The following KCNIP4 variants were observed in gnomAD, a reference collection of about 807,000 sequenced individuals.
The protein encoded by KCNIP4 is potassium voltage-gated channel interacting protein 4.
Under a neutral mutation model 34.0 loss-of-function variants are expected in KCNIP4, and 12 were observed. The observed-to-expected ratio is 0.35, with a 90% CI of 0.23 to 0.57. KCNIP4 has a LOEUF of 0.57. KCNIP4 is among the 20% of genes least tolerant of loss of function. The pLI is 0.83. For synonymous variants in KCNIP4, 124 were observed against 102.2 expected (o/e 1.21, Z -1.29); for missense variants, 238 against 311.7 (o/e 0.76, Z 1.78).
chr4:20,735,041 CAT>C (rs1377614655), intron 5 of KCNIP4, among the ~76,000 whole-genome samples: 1 of 152,136 alleles, frequency 6.6e-6, no homozygotes, highest in African/African-American at 2.4e-5. Flanking sequence ...TGCAAGTGCA[CAT>C]GATTTACTAA....
At chr4:20,855,428 C>T (rs2149488778) in intron 2 of KCNIP4, among the ~76,000 whole-genome samples, 1 of 152,264 alleles carries the variant, frequency 6.6e-6, no homozygotes, top group Non-Finnish European at 1.5e-5. Flanking sequence ...CTCCTCTCAT[C>T]CCAGAGCCAC....
chr4:20,918,844 T>G (rs1729105407), intron 1 of KCNIP4, among the ~76,000 whole-genome samples: 1 of 151,976 alleles, frequency 6.6e-6, no homozygotes, highest in Non-Finnish European at 1.5e-5. Context: ...GTCTAGAGAG[T>G]TAGGAAAACC....
At chr4:21,069,146 G>T (rs1744671313) in intron 1 of KCNIP4, among the ~76,000 whole-genome samples, 1 of 152,048 alleles carries the variant, frequency 6.6e-6, no homozygotes, top group African/African-American at 2.4e-5. Context: ...GCAATAAATA[G>T]TAGTACAACC....
At chr4:20,811,347 G>T (rs1715726201) in intron 3 of KCNIP4, among the ~76,000 whole-genome samples, 1 of 152,186 alleles carries the variant, frequency 6.6e-6, no homozygotes, top group African/African-American at 2.4e-5. Flanking sequence ...CACCTTAGAT[G>T]CATGTTGAAA....
In KCNIP4 at chr4:20,758,917, T is replaced by C. The variant is rs75535060; in HGVS notation, c.289-27A>G. ...TAGGGAAAGTGGCAGAGAAGCAATA[T>C]GAGCAAAGTGTTCATAAAACTGAAT... On this transcript the variant is annotated intron_variant, in intron 3 of 8. Coordinates refer to ENST00000382152, the MANE Select transcript of KCNIP4 (RefSeq NM_025221.6). 137 of 1,593,338 alleles carry C rather than the reference T, an allele frequency of 8.6e-5. No individual in the cohort carries two copies. The East Asian group carries it at 3.0e-3, about 35-fold the overall frequency.
chr4:20,960,121 A>C (rs1733706372), intron 1 of KCNIP4, among the ~76,000 whole-genome samples: 2 of 152,158 alleles, frequency 1.3e-5, no homozygotes, highest in South Asian at 4.1e-4. Flanking sequence ...TTAGTTCTTC[A>C]GATAGTTAGG....
intron 1 of KCNIP4, among the ~76,000 whole-genome samples, chr4:21,108,307 T>TTA (rs376560647): frequency 2.5e-5 from 3 of 117,768 alleles, no homozygotes; most frequent in African/African-American, 7.3e-5. Context: ...TTTCTTTTTA[T>TTA]TTTTTCTCTA....
At chr4:20,770,924 G>T (rs1755815448) in intron 3 of KCNIP4, among the ~76,000 whole-genome samples, 1 of 151,886 alleles carries the variant, frequency 6.6e-6, no homozygotes, top group Non-Finnish European at 1.5e-5. Context: ...GACAGAGCGA[G>T]ACTCCATCTC....
chr4:21,659,559 T>C (rs1748269249), intron 1 of KCNIP4, among the ~76,000 whole-genome samples: 1 of 152,182 alleles, frequency 6.6e-6, no homozygotes, highest in South Asian at 2.1e-4. Flanking sequence ...ATCAAATACA[T>C]TTTCTAAGCC....
chr4:21,945,843 T>G (rs2109024836), intron 1 of KCNIP4, among the ~76,000 whole-genome samples: 1 of 151,696 alleles, frequency 6.6e-6, no homozygotes, highest in South Asian at 2.1e-4. Context: ...TGTATTTTGG[T>G]CAGGCTTTGG....
At chr4:21,131,856 T>C (rs1751097812) in intron 1 of KCNIP4, among the ~76,000 whole-genome samples, 3 of 152,248 alleles carry the variant, frequency 2.0e-5, no homozygotes, top group South Asian at 2.1e-4. Flanking sequence ...TTTGTATTTA[T>C]AAAGTGACTT....
chr4:21,602,046 T>C (rs1321209292), intron 1 of KCNIP4, among the ~76,000 whole-genome samples: 3 of 152,202 alleles, frequency 2.0e-5, no homozygotes, highest in Admixed American at 1.3e-4. Flanking sequence ...AAGGACACCA[T>C]TTCAATAAGC....
chr4:21,086,989 C>CT (rs559696005), intron 1 of KCNIP4, among the ~76,000 whole-genome samples: 1,356 of 126,756 alleles, frequency 0.011, 24 homozygotes, highest in African/African-American at 0.023. Flanking sequence ...CTCTTTCTTT[C>CT]TTTTTTTTTT....
At chr4:21,143,472 C>T (rs1481686461) in intron 1 of KCNIP4, among the ~76,000 whole-genome samples, 1 of 152,110 alleles carries the variant, frequency 6.6e-6, no homozygotes, top group African/African-American at 2.4e-5. Context: ...GAAGGAGATT[C>T]TTCCCCAGAG....
At chr4:21,494,001 G>T (rs925849261) in intron 1 of KCNIP4, among the ~76,000 whole-genome samples, 32 of 152,158 alleles carry the variant, frequency 2.1e-4, no homozygotes, top group Admixed American at 2.0e-3. Context: ...TCTGTATGAA[G>T]AATTTTATAA....
chr4:21,106,491 A>C (rs533516035), intron 1 of KCNIP4, among the ~76,000 whole-genome samples: 108 of 150,570 alleles, frequency 7.2e-4, no homozygotes, highest in East Asian at 2.9e-3. Context: ...TCTCTCTTTT[A>C]TTCTTTATTA....
At chr4:21,451,816 A>G (rs1029607261) in intron 1 of KCNIP4, among the ~76,000 whole-genome samples, 2 of 152,152 alleles carry the variant, frequency 1.3e-5, no homozygotes, top group Admixed American at 1.3e-4. Flanking sequence ...ACTGCTAACA[A>G]CATACCAAAT....
rs1350419753 is a variant in KCNIP4 at position 20,837,686 on chromosome 4, A to ATATTTTT, written c.288+12856_288+12857insAAAAATA. On this transcript the variant is annotated intron_variant, in intron 3 of 8. Coordinates refer to ENST00000382152, the MANE Select transcript of KCNIP4 (RefSeq NM_025221.6). The stretch of plus-strand genomic sequence containing the variant: ...GCTATATATATATATATATATATAT[A>ATATTTTT]TTTTTTTTTCCTTGGAGATGGAGTC... Among the ~76,000 whole-genome samples the ATATTTTT allele has an allele frequency of 1.7e-3, 196 of 117,378 alleles. 3 individuals are homozygous for ATATTTTT. Among genetic ancestry groups the ATATTTTT allele is most frequent in the African/African-American group, 5.7e-3 (169 of 29,862 alleles). The allele number at this position is 117,378 out of a possible 152,430, so 77.0% of individuals were successfully genotyped here. A position where few individuals can be genotyped will look rare whatever the true frequency, so the allele number is the denominator to read the frequency against.
In KCNIP4 at chr4:21,080,476, T is replaced by C. The variant is rs1745907833; in HGVS notation, c.62-197767A>G. Among the ~76,000 whole-genome samples the C allele has an allele frequency of 1.3e-5, 2 of 151,924 alleles. 1 individual carries two copies. On this transcript the variant is annotated intron_variant, in intron 1 of 8. Coordinates refer to ENST00000382152, the MANE Select transcript of KCNIP4 (RefSeq NM_025221.6). ...CTTAAATTTATAGAGTACTTTACCTTAACAATATTTTATAGCATGTGTTCG... is the reference window on the plus strand; with the variant it reads ...CTTAAATTTATAGAGTACTTTACCTCAACAATATTTTATAGCATGTGTTCG...
Sources: allele counts gnomAD v4.1 joint callset (sites outside exome capture counted in the v4.1 genomes callset), GRCh38; gene constraint gnomAD v4.1.1; transcripts MANE v1.5; gene names NCBI Gene and HGNC (gene_info 2026-07-23, HGNC 2026-07-21).